ZNF326: variants seen among roughly 807,000 people sequenced by gnomAD.
The protein encoded by ZNF326 is zinc finger protein 326.
A neutral mutation model predicts 63.1 loss-of-function variants in ZNF326; 30 were observed. That is an observed-to-expected ratio of 0.48 (90% CI 0.36 to 0.64). The LOEUF (loss-of-function observed/expected upper bound fraction) is 0.64, where lower values mean the gene tolerates loss of function less well. ZNF326 is among the 30% of genes least tolerant of loss of function. ZNF326 has a pLI of 0.00. For missense variants in ZNF326, 609 were observed against 720.3 expected, an observed-to-expected ratio of 0.85 and a Z score of 1.77; for synonymous variants, 194 against 228.2, an observed-to-expected ratio of 0.85 and a Z score of 1.35.
At chr1:90,010,354 G>A in intron 6 of ZNF326, 68 bp downstream of exon 6, 4 of 1,519,508 alleles carry the variant, frequency 2.6e-6, no homozygotes, top group Non-Finnish European at 3.6e-6. Flanking sequence ...ATACTTTTTG[G>A]TAATTTTTTC....
At chr1:90,022,023 T>C (rs925322615) in intron 10 of ZNF326, among the ~76,000 whole-genome samples, 1 of 152,174 alleles carries the variant, frequency 6.6e-6, no homozygotes, top group African/African-American at 2.4e-5. Context: ...TCTAGACTTG[T>C]AGATTTGTGG....
At chr1:90,016,081 C>G (rs527345534) in intron 7 of ZNF326, among the ~76,000 whole-genome samples, 1 of 152,106 alleles carries the variant, frequency 6.6e-6, no homozygotes, top group Admixed American at 6.5e-5. Flanking sequence ...GCTCTTACCT[C>G]CTATAGGAAG....
intron 11 of ZNF326, among the ~76,000 whole-genome samples, chr1:90,025,118 A>G (rs1649952846): frequency 6.6e-6 from 1 of 151,594 alleles, no homozygotes; most frequent in South Asian, 2.1e-4. Context: ...TTGAAATGGT[A>G]GTTTACTTTG....
rs1281773617 is a variant in ZNF326 at position 90,013,168 on chromosome 1, T to C, written c.857T>C (p.Ile286Thr). The C allele has an allele frequency of 6.2e-7, 1 of 1,613,184 alleles. No homozygotes were observed. The highest frequency in any genetic ancestry group is 1.7e-5 in the Admixed American group (1 of 59,864). ...PKNEEEEKRR[I>T]EARREKQRRR... Reference sequence around the variant, plus strand: ...AATGAAGAGGAAGAAAAGCGGCGAATTGAGGCTCGGCGAGAGAAACAAAGG... The same window carrying C: ...AATGAAGAGGAAGAAAAGCGGCGAACTGAGGCTCGGCGAGAGAAACAAAGG... The change falls in exon 7 of 12, where the codon ATT (isoleucine) becomes ACT (threonine). Residue 286 changes from isoleucine (I) to threonine (T), a missense_variant. Coordinates refer to ENST00000340281, the MANE Select transcript of ZNF326 (RefSeq NM_182976.4).
intron 6 of ZNF326, among the ~76,000 whole-genome samples, chr1:90,012,405 G>A (rs935201775): frequency 1.3e-5 from 2 of 152,290 alleles, no homozygotes; most frequent in African/African-American, 4.8e-5. Flanking sequence ...AGGCAAATCC[G>A]TAGATCAGAA....
At chr1:90,013,501 A>G (rs985991219) in intron 7 of ZNF326, among the ~76,000 whole-genome samples, 2 of 152,230 alleles carry the variant, frequency 1.3e-5, no homozygotes, top group South Asian at 2.1e-4. Flanking sequence ...AACACTTGTC[A>G]TTGAGATTTG....
Position 90,020,938 on chromosome 1 carries a change from G to A in ZNF326, c.1305+16G>A. 1 of 1,608,340 alleles carries A rather than the reference G, an allele frequency of 6.2e-7. No individual in the cohort carries two copies. Among genetic ancestry groups the A allele is most frequent in the Non-Finnish European group, 8.5e-7 (1 of 1,177,788 alleles). ...AGGGAAGCAGGTAAAATTTTCATCTGTCTTAATAAAGTTGCCAGATTATCC... is the reference window on the plus strand; with the variant it reads ...AGGGAAGCAGGTAAAATTTTCATCTATCTTAATAAAGTTGCCAGATTATCC... On this transcript the variant is annotated intron_variant, in intron 10 of 11. Transcript: ENST00000340281.
In ZNF326 at chr1:90,032,772, T is replaced by C. The variant is rs1349625429; in HGVS notation, c.*5071T>C. On this transcript the variant is annotated 3_prime_UTR_variant, in exon 12 of 12. Transcript: ENST00000340281. ...CTGGTCTCTGACTCAGAGCTGCTGG[T>C]CCACAGAATTCCTCTAAGCTAAAGC... 1 of 152,248 alleles carries C rather than the reference T, an allele frequency of 6.6e-6. No individual in the cohort carries two copies. The highest frequency in any genetic ancestry group is 1.5e-5 in the Non-Finnish European group (1 of 68,082). 9.4% of individuals were successfully genotyped at this position (152,248 alleles called of 1,614,324 possible).
chr1:90,027,622 A>G lies in ZNF326; in HGVS notation c.1670A>G (p.Glu557Gly), dbSNP rs909300698. Residue 557 changes from glutamate (E) to glycine (G), a missense_variant, in exon 12 of 12, where the codon GAG (glutamate) becomes GGG (glycine). Glu to Gly is a moderately conservative substitution (Grantham distance 98). This residue lies in a region of ZNF326 where 399 missense variants were observed against 444.3 expected (regional missense o/e 0.90). Transcript: ENST00000340281. ...VGEVEGVGEV[E>G]EVEELEEETA... The stretch of plus-strand genomic sequence containing the variant: ...GAAGTAGAGGGAGTGGGGGAAGTAG[A>G]GGAAGTAGAGGAATTAGAGGAAGAG... 1.2e-6 allele frequency: 2 copies of G among 1,613,600 alleles called. No individual in the cohort carries two copies. The highest frequency in any genetic ancestry group is 2.7e-5 in the African/African-American group (2 of 74,882).
chr1:90,014,834 G>A (rs1170043021), intron 7 of ZNF326, among the ~76,000 whole-genome samples: 2 of 152,112 alleles, frequency 1.3e-5, no homozygotes, highest in Non-Finnish European at 2.9e-5. Flanking sequence ...ATATTTTGGT[G>A]TAGAAATGAC....
intron 2 of ZNF326, among the ~76,000 whole-genome samples, chr1:90,001,965 C>G (rs1322540256): frequency 6.6e-6 from 1 of 152,028 alleles, no homozygotes; most frequent in Non-Finnish European, 1.5e-5. Flanking sequence ...TAGAGTGATC[C>G]AAGTGATAGA....
intron 2 of ZNF326, among the ~76,000 whole-genome samples, chr1:89,999,625 C>T (rs1315265001): frequency 6.6e-6 from 1 of 152,136 alleles, no homozygotes; most frequent in Non-Finnish European, 1.5e-5. Flanking sequence ...ATAGCCTATA[C>T]CTCTTGAATC....
chr1:90,021,433 T>C (rs1649769596), intron 10 of ZNF326, among the ~76,000 whole-genome samples: 1 of 152,072 alleles, frequency 6.6e-6, no homozygotes, highest in Admixed American at 6.6e-5. Flanking sequence ...ATTTTTCTGA[T>C]GGTTGGGAAA....
At position 90,033,678 on chromosome 1, in the gene ZNF326, C is replaced by T. The variant is rs1164801372; in HGVS notation, c.*5977C>T. 1 of 151,716 alleles carries T rather than the reference C, an allele frequency of 6.6e-6. No individual in the cohort carries two copies. The highest frequency in any genetic ancestry group is 2.4e-5 in the African/African-American group (1 of 41,338). The allele number at this position is 151,716 out of a possible 1,614,324, so 9.4% of individuals were successfully genotyped here. A position where few individuals can be genotyped will look rare whatever the true frequency, so the allele number is the denominator to read the frequency against. On this transcript the variant is annotated 3_prime_UTR_variant, in exon 12 of 12. Coordinates refer to ENST00000340281, the MANE Select transcript of ZNF326 (RefSeq NM_182976.4). Reference sequence around the variant, plus strand: ...GAGCTGAAGATACTTCCAGAGCTTACAAGAAAAGATAAAAAAGATGGAAGT... The same window carrying T: ...GAGCTGAAGATACTTCCAGAGCTTATAAGAAAAGATAAAAAAGATGGAAGT...
chr1:90,022,050 T>C (rs1649793891), intron 10 of ZNF326, among the ~76,000 whole-genome samples, 200 bp from the exon 11 acceptor site: 1 of 152,184 alleles, frequency 6.6e-6, no homozygotes, highest in Non-Finnish European at 1.5e-5. Context: ...GTGTTTTCTT[T>C]TGAAGCTGAT....
chr1:89,998,514 G>A (rs1211216096), intron 2 of ZNF326, among the ~76,000 whole-genome samples: 2 of 152,056 alleles, frequency 1.3e-5, no homozygotes, highest in Non-Finnish European at 2.9e-5. Context: ...TATTGGCTTG[G>A]TTCTATATAG....
intron 7 of ZNF326, among the ~76,000 whole-genome samples, chr1:90,015,815 C>A (rs1188318015): frequency 6.6e-6 from 1 of 152,034 alleles, no homozygotes; most frequent in East Asian, 1.9e-4. Flanking sequence ...CCATGGCTTG[C>A]CATCAAAGCA....
rs1650342591 is a variant in ZNF326, at chr1:90,033,083, TCA to T, written c.*5383_*5384del. On this transcript the variant is annotated 3_prime_UTR_variant, in exon 12 of 12. Transcript: ENST00000340281. ...TCGCAATCTTCAGGGAATTTTTCAC[TCA>T]AGCCCAGAAAATAAACTCCAGATAA... 1 of 152,162 alleles carries T rather than the reference TCA, an allele frequency of 6.6e-6. No individual in the cohort carries two copies. The highest frequency in any genetic ancestry group is 2.4e-5 in the African/African-American group (1 of 41,428). The allele number at this position is 152,162 out of a possible 1,614,324, so 9.4% of individuals were successfully genotyped here. A position where few individuals can be genotyped will look rare whatever the true frequency, so the allele number is the denominator to read the frequency against.
Position 89,995,196 on chromosome 1 carries a change from C to T in ZNF326, c.-62C>T, listed in dbSNP as rs1239781159. 10 of 1,520,042 alleles carry T rather than the reference C, an allele frequency of 6.6e-6. No individual in the cohort carries two copies. The South Asian group carries it at 9.7e-5, about 15-fold the overall frequency. The allele number at this position is 1,520,042 out of a possible 1,614,324, so 94.2% of individuals were successfully genotyped here. A position where few individuals can be genotyped will look rare whatever the true frequency, so the allele number is the denominator to read the frequency against. ...ATCGTGTGGAATCGCGGGTCGCGGA[C>T]GCTCGCCGCCGGCCATAGCTCAGCC... On this transcript the variant is annotated 5_prime_UTR_variant, in exon 1 of 12. The change creates a new upstream start codon in the 5' untranslated region. Transcript: ENST00000340281.
Sources: allele counts gnomAD v4.1 joint callset (sites outside exome capture counted in the v4.1 genomes callset), GRCh38; gene constraint gnomAD v4.1.1; regional missense constraint gnomAD v4.1.1; transcripts MANE v1.5; gene names NCBI Gene and HGNC (gene_info 2026-07-23, HGNC 2026-07-21).